Variants in ATP10B observed in about 807,000 individuals in gnomAD.
ATP10B encodes ATPase phospholipid transporting 10B (putative), also known as phospholipid-transporting ATPase VB.
A neutral mutation model predicts 141.2 loss-of-function variants in ATP10B; 122 were observed. The observed-to-expected ratio is 0.86, with a 90% CI of 0.75 to 1.00. The LOEUF (loss-of-function observed/expected upper bound fraction) is 1.00. Among genes scored for constraint, ATP10B ranks in the 50% least tolerant of loss-of-function variants. The pLI, the probability that ATP10B is intolerant of heterozygous loss-of-function variation, is 0.00. For synonymous variants in ATP10B, 685 were observed against 692.0 expected (o/e 0.99, Z 0.16); for missense variants, 1,876 against 1,825.3 (o/e 1.03, Z -0.51).
intron 2 of ATP10B, among the ~76,000 whole-genome samples, chr5:160,757,378 T>C (rs893585728): frequency 6.6e-6 from 1 of 152,188 alleles, no homozygotes; most frequent in African/African-American, 2.4e-5. Flanking sequence ...AAAGTTGATA[T>C]GAGCAACTCA....
In ATP10B at chr5:160,851,932, T is replaced by G. The variant is rs1753837813; in HGVS notation, c.-576+9A>C. On this transcript the variant is annotated intron_variant, in intron 1 of 25. Coordinates refer to ENST00000327245, the MANE Select transcript of ATP10B (RefSeq NM_025153.3). ...TTATATAGGTTAAGGCCAGGATGCT[T>G]TTACTTACCCCAGCAAAGCTGACGT... 6.6e-6 allele frequency: 1 copy of G among 152,136 alleles called. No individual in the cohort carries two copies. Among genetic ancestry groups the G allele is most frequent in the African/African-American group, 2.4e-5 (1 of 41,440 alleles). 9.4% of individuals were successfully genotyped at this position (152,136 alleles called of 1,614,324 possible). A position where few individuals can be genotyped will look rare whatever the true frequency, so the allele number is the denominator to read the frequency against.
chr5:160,613,233 C>A (rs1331913493), intron 17 of ATP10B, among the ~76,000 whole-genome samples: 2 of 152,164 alleles, frequency 1.3e-5, no homozygotes, highest in Non-Finnish European at 2.9e-5. Context: ...GCTACTTAAA[C>A]TGAGACCTGG....
At chr5:160,894,800 G>A in the ATP10B span, among the ~76,000 whole-genome samples, 1 of 152,204 alleles carries the variant, frequency 6.6e-6, no homozygotes, top group Non-Finnish European at 1.5e-5. Context: ...AGGGCAGCCA[G>A]AGAGAAAGGC....
At position 160,816,228 on chromosome 5, in the gene ATP10B, G is replaced by T. The variant is rs1325430300; in HGVS notation, c.-575-30425C>A. Reference sequence around the variant, plus strand: ...AATCCAGGAGCTGATTTTTTGAAAAGATCAATAAAAATTGAGAGACTGCTA... The same window carrying T: ...AATCCAGGAGCTGATTTTTTGAAAATATCAATAAAAATTGAGAGACTGCTA... On this transcript the variant is annotated intron_variant, in intron 1 of 25. Transcript: ENST00000327245. Among the ~76,000 whole-genome samples the T allele has an allele frequency of 4.6e-5, 6 of 129,678 alleles. 1 individual carries two copies. The highest frequency in any genetic ancestry group is 4.6e-4 in the Admixed American group (6 of 13,112). The allele number at this position is 129,678 out of a possible 152,430, so 85.1% of individuals were successfully genotyped here.
At chr5:160,899,365 A>G in the ATP10B span, among the ~76,000 whole-genome samples, 3 of 152,020 alleles carry the variant, frequency 2.0e-5, no homozygotes, top group Non-Finnish European at 4.4e-5. Flanking sequence ...AAGGAAGAAA[A>G]ATGTCGTCAT....
intron 1 of ATP10B, among the ~76,000 whole-genome samples, chr5:160,832,122 A>C (rs1775123300): frequency 6.6e-6 from 1 of 152,056 alleles, no homozygotes; most frequent in African/African-American, 2.4e-5. Context: ...TAATAATCAT[A>C]ATAATGCCAC....
the ATP10B span, among the ~76,000 whole-genome samples, chr5:160,878,435 A>G: frequency 6.6e-6 from 1 of 152,180 alleles, no homozygotes; most frequent in African/African-American, 2.4e-5. Context: ...AAACCCTAGA[A>G]GAAAACCTAG....
rs369571904 is a variant in ATP10B, at chr5:160,825,040, T to A, written c.-576+26901A>T. ...AGTTAACCATTCTCTGGGACTTTAA[T>A]TCACCTTTTTGTTTATGTCACTATT... On this transcript the variant is annotated intron_variant, in intron 1 of 25. Coordinates refer to ENST00000327245, the MANE Select transcript of ATP10B (RefSeq NM_025153.3). Among the ~76,000 whole-genome samples the A allele has an allele frequency of 1.5e-4, 23 of 152,320 alleles. No individual in the cohort carries two copies. The South Asian group carries it at 4.6e-3, about 30-fold the overall frequency.
chr5:160,648,406 G>A (rs1251491997), intron 8 of ATP10B, among the ~76,000 whole-genome samples: 2 of 152,132 alleles, frequency 1.3e-5, no homozygotes, highest in East Asian at 1.9e-4. Context: ...TTCCAATGTG[G>A]CCCAGGGAAG....
Position 160,650,823 on chromosome 5 carries a change from C to T in ATP10B, c.676-1567G>A, listed in dbSNP as rs556707578. On this transcript the variant is annotated intron_variant, in intron 7 of 25. Transcript: ENST00000327245. ...TGGCAATAACTTCCAGGCCTTCTCC[C>T]TGTAACTGGTTAGAGAAATAAAAAC... 2.0e-5 allele frequency among the ~76,000 whole-genome samples: 3 copies of T among 152,254 alleles called. 1 individual carries two copies. In the East Asian group the frequency reaches 5.8e-4, roughly 29 times the overall value.
At chr5:160,762,552 C>T (rs1006954001) in intron 2 of ATP10B, among the ~76,000 whole-genome samples, 3 of 151,740 alleles carry the variant, frequency 2.0e-5, no homozygotes, top group Admixed American at 6.6e-5. Context: ...CAAGAAATGG[C>T]AAAAGGAGTT....
chr5:160,781,400 G>A (rs1204250684), intron 2 of ATP10B, among the ~76,000 whole-genome samples: 2 of 152,076 alleles, frequency 1.3e-5, no homozygotes, highest in Non-Finnish European at 1.5e-5. Flanking sequence ...GGAGCCTGTG[G>A]TGTTGTCGGT....
intron 24 of ATP10B, among the ~76,000 whole-genome samples, chr5:160,579,168 C>A (rs1755386197): frequency 1.3e-5 from 2 of 151,878 alleles, no homozygotes. Flanking sequence ...TGCAGAAGCT[C>A]TTTAATTAGA....
chr5:160,753,988 A>T (rs927986784), intron 2 of ATP10B, among the ~76,000 whole-genome samples: 2 of 152,204 alleles, frequency 1.3e-5, no homozygotes, highest in East Asian at 3.8e-4. Context: ...TACAACAAGT[A>T]TCCTATATTA....
Position 160,783,491 on chromosome 5 carries a change from C to T in ATP10B, c.-331+2068G>A, listed in dbSNP as rs550874740. Reference sequence around the variant, plus strand: ...ATATATATTCCATCATATATATGATCGATATATATCATATATATACTATAT... The same window carrying T: ...ATATATATTCCATCATATATATGATTGATATATATCATATATATACTATAT... On this transcript the variant is annotated intron_variant, in intron 2 of 25. Transcript: ENST00000327245. Among the ~76,000 whole-genome samples, 126 of 131,418 alleles carry T rather than the reference C, an allele frequency of 9.6e-4. No individual in the cohort carries two copies. The South Asian group carries it at 0.016, about 17-fold the overall frequency. 86.2% of individuals were successfully genotyped at this position (131,418 alleles called of 152,430 possible).
chr5:160,740,317 C>T (rs1767379249), intron 2 of ATP10B, among the ~76,000 whole-genome samples: 1 of 152,168 alleles, frequency 6.6e-6, no homozygotes, highest in Non-Finnish European at 1.5e-5. Flanking sequence ...TTTGCATATA[C>T]TATAACTTCA....
chr5:160,916,750 G>GT, the ATP10B span, among the ~76,000 whole-genome samples: 31 of 152,286 alleles, frequency 2.0e-4, 1 homozygote, highest in Non-Finnish European at 4.0e-4. Context: ...TGACATTTCT[G>GT]TTACCCTCTA....
chr5:160,735,168 C>G (rs1302150764), intron 2 of ATP10B, among the ~76,000 whole-genome samples: 2 of 148,636 alleles, frequency 1.3e-5, no homozygotes, highest in Non-Finnish European at 1.5e-5. Context: ...AAGAATAGCA[C>G]TGAATGTAAA....
chr5:160,848,799 T>C (rs993560073), intron 1 of ATP10B, among the ~76,000 whole-genome samples: 3 of 152,196 alleles, frequency 2.0e-5, no homozygotes, highest in African/African-American at 7.2e-5. Context: ...GGGAAAACTT[T>C]TACTATGTGA....
Sources: gnomAD v4.1 joint callset for allele counts (sites outside exome capture counted in the v4.1 genomes callset) on GRCh38, gnomAD v4.1.1 for gene constraint, MANE v1.5 for transcripts, NCBI Gene and HGNC (gene_info 2026-07-23, HGNC 2026-07-21) for gene names.